Variants in SIDT1 observed in about 807,000 individuals in gnomAD.
The protein encoded by SIDT1 is SID1 transmembrane family, member 1.
In SIDT1, 101 loss-of-function variants were observed where a neutral mutation model predicts 107.5. The ratio of observed to expected loss-of-function variants is 0.94; its 90% CI spans 0.80 to 1.11. SIDT1 has a LOEUF of 1.11. SIDT1 is among the 50% of genes least tolerant of loss of function. SIDT1 has a pLI of 0.00. For synonymous variants in SIDT1, 395 were observed against 398.2 expected, an observed-to-expected ratio of 0.99 and a Z score of 0.10; for missense variants, 1,076 against 1,058.2, an observed-to-expected ratio of 1.02 and a Z score of -0.23.
At chr3:113,608,584 T>C in intron 17 of SIDT1, 48 bp downstream of exon 17, 1 of 1,363,604 alleles carries the variant, frequency 7.3e-7, no homozygotes, top group Non-Finnish European at 1.0e-6. Context: ...GTCAGTCTTA[T>C]CCTGGAACCC....
At position 113,623,522 on chromosome 3, in the gene SIDT1, T is replaced by C; in HGVS notation, c.2186T>C (p.Ile729Thr). The C allele has an allele frequency of 6.2e-7, 1 of 1,613,454 alleles. No homozygotes were observed. The highest frequency in any genetic ancestry group is 8.5e-7 in the Non-Finnish European group (1 of 1,179,394). ...CNLLLYLAFY[I>T]IMKLRSSEKV... ...CTTTTGCTGTACCTGGCCTTTTACA[T>C]CATCATGAAGGTAAGAGCGGGTGCC... is the stretch of plus-strand genomic sequence containing the variant. Residue 729 changes from isoleucine (I) to threonine (T), a missense_variant, in exon 22 of 25, where the codon ATC becomes ACC. Ile to Thr is a moderately conservative substitution (Grantham distance 89, BLOSUM62 -1). Transcript: ENST00000264852.
At chr3:113,619,528 G>T in intron 20 of SIDT1, 152 bp from the exon 21 acceptor site, 1 of 673,686 alleles carries the variant, frequency 1.5e-6, no homozygotes. Context: ...TATACGATTA[G>T]TGTCAGATCA....
chr3:113,604,501 T>A (rs1046847027), intron 13 of SIDT1, among the ~76,000 whole-genome samples: 1 of 152,212 alleles, frequency 6.6e-6, no homozygotes, highest in Non-Finnish European at 1.5e-5. Flanking sequence ...CATAAATGAT[T>A]TGGTTAAACC....
At chr3:113,569,057 T>C (rs1942197334) in intron 3 of SIDT1, among the ~76,000 whole-genome samples, 1 of 146,772 alleles carries the variant, frequency 6.8e-6, no homozygotes, top group African/African-American at 2.5e-5. Context: ...GGAGAATGCT[T>C]GAGCCTGGGA....
chr3:113,629,994 G>A (rs1369290947), downstream of SIDT1, among the ~76,000 whole-genome samples: 1 of 152,214 alleles, frequency 6.6e-6, no homozygotes, highest in Non-Finnish European at 1.5e-5. Flanking sequence ...TGCATCTGTA[G>A]GATTTACACA....
At chr3:113,574,711 G>A (rs888739163) in intron 3 of SIDT1, among the ~76,000 whole-genome samples, 2 of 151,838 alleles carry the variant, frequency 1.3e-5, no homozygotes, top group African/African-American at 4.8e-5. Flanking sequence ...AAGTCCATGG[G>A]TTTCTTCTCC....
chr3:113,552,991 C>T (rs1168247163), intron 1 of SIDT1, among the ~76,000 whole-genome samples: 2 of 152,106 alleles, frequency 1.3e-5, no homozygotes, highest in East Asian at 3.9e-4. Context: ...TTGTTAGAAA[C>T]AACTTCGTGG....
At chr3:113,553,490 A>G (rs1221236935) in intron 1 of SIDT1, among the ~76,000 whole-genome samples, 1 of 152,234 alleles carries the variant, frequency 6.6e-6, no homozygotes, top group African/African-American at 2.4e-5. Context: ...ATGTATAGAA[A>G]TAAAATCCAG....
At chr3:113,564,646 G>A (rs1185217521) in intron 1 of SIDT1, among the ~76,000 whole-genome samples, 1 of 152,212 alleles carries the variant, frequency 6.6e-6, no homozygotes, top group Non-Finnish European at 1.5e-5. Flanking sequence ...CCAGTTTCAG[G>A]CTTACATGAA....
Position 113,566,435 on chromosome 3 carries a change from G to C in SIDT1, c.238G>C (p.Val80Leu). 1 of 1,614,050 alleles carries C rather than the reference G, an allele frequency of 6.2e-7. No homozygotes were observed. Among genetic ancestry groups the C allele is most frequent in the Non-Finnish European group, 8.5e-7 (1 of 1,179,984 alleles). Residue 80 changes from valine (V) to leucine (L), a missense_variant, in exon 2 of 25, where the codon GTG becomes CTG. Coordinates refer to ENST00000264852, the MANE Select transcript of SIDT1 (RefSeq NM_017699.3). ...SQPDQVTAVR[V>L]YVNSSSENLN... ...TGCCATGCAGGTGACAGCCGTGAGG[G>C]TGTATGTGAACAGTTCCTCTGAGAA...
At chr3:113,594,788 AT>A (rs1944420082) in intron 10 of SIDT1, 1 of 153,536 alleles carries the variant, frequency 6.5e-6, no homozygotes, top group Admixed American at 6.6e-5. Context: ...GAAAAAAAAA[AT>A]CTCAAACCTG....
At chr3:113,614,316 G>C (rs948981782) in intron 19 of SIDT1, among the ~76,000 whole-genome samples, 4 of 152,230 alleles carry the variant, frequency 2.6e-5, no homozygotes, top group African/African-American at 7.2e-5. Flanking sequence ...CCTCCCCAGT[G>C]TGGTGGGTCC....
intron 1 of SIDT1, among the ~76,000 whole-genome samples, chr3:113,540,007 A>G (rs931206631): frequency 7.5e-6 from 1 of 133,266 alleles, no homozygotes; most frequent in Non-Finnish European, 1.5e-5. Flanking sequence ...TCCGTCTCAA[A>G]AAAAAAAAAA....
chr3:113,592,601 C>CTTTTTCTT (rs200342575), intron 9 of SIDT1: 64 of 146,872 alleles, frequency 4.4e-4, no homozygotes, highest in South Asian at 2.5e-3. Context: ...TTTTCTTTTT[C>CTTTTTCTT]TTTTTTTTTT....
intron 10 of SIDT1, 137 bp downstream of exon 10, chr3:113,593,185 C>A: frequency 1.3e-6 from 1 of 792,538 alleles, no homozygotes; most frequent in South Asian, 1.4e-5. Context: ...GTAGTCTAGC[C>A]TGCAGTTGGA....
chr3:113,558,539 TAAAGG>T (rs1446330203), intron 1 of SIDT1, among the ~76,000 whole-genome samples: 10 of 151,986 alleles, frequency 6.6e-5, no homozygotes, highest in Admixed American at 3.9e-4. Context: ...CCTCGTGGAG[TAAAGG>T]AAAGACAGAC....
chr3:113,597,330 C>T lies in SIDT1; in HGVS notation c.1046-4258C>T, dbSNP rs1265971644. ...TGGCCAACATTGTGAAACCCTGTCT[C>T]CACTAAAATACAAAATATTAGCCGC... is the stretch of plus-strand genomic sequence containing the variant. On this transcript the variant is annotated intron_variant, in intron 10 of 24. Transcript: ENST00000264852. 4.6e-5 allele frequency among the ~76,000 whole-genome samples: 7 copies of T among 152,030 alleles called. No homozygotes were observed. The South Asian group carries it at 1.5e-3, about 32-fold the overall frequency.
chr3:113,581,327 A>G, intron 5 of SIDT1, 34 bp from the exon 6 acceptor site: 1 of 1,548,952 alleles, frequency 6.5e-7, no homozygotes, highest in Non-Finnish European at 8.9e-7. Context: ...GACATTATGG[A>G]TGCTTTCCAT....
intron 1 of SIDT1, among the ~76,000 whole-genome samples, chr3:113,547,171 G>A (rs1939686087): frequency 6.6e-6 from 1 of 152,014 alleles, no homozygotes; most frequent in Non-Finnish European, 1.5e-5. Context: ...TAATTACCCT[G>A]TTTTGGTCAT....
Sources: gnomAD v4.1 joint callset for allele counts (sites outside exome capture counted in the v4.1 genomes callset) on GRCh38, gnomAD v4.1.1 for gene constraint, MANE v1.5 for transcripts, NCBI Gene and HGNC (gene_info 2026-07-23, HGNC 2026-07-21) for gene names.